SLC35F4: variants seen among roughly 807,000 people sequenced by gnomAD.
SLC35F4 encodes the protein chromosome 14 open reading frame 36.
A neutral mutation model predicts 44.2 loss-of-function variants in SLC35F4; 24 were observed. The observed-to-expected ratio is 0.54, with a 90% CI of 0.39 to 0.76. SLC35F4 has a LOEUF of 0.76. SLC35F4 is among the 30% of genes least tolerant of loss of function. SLC35F4 has a pLI of 0.00. For missense variants in SLC35F4, 562 were observed against 586.1 expected, an observed-to-expected ratio of 0.96 and a Z score of 0.42; for synonymous variants, 238 against 223.6, an observed-to-expected ratio of 1.06 and a Z score of -0.57.
At chr14:57,796,318 A>G (rs1247021267) in intron 1 of SLC35F4, among the ~76,000 whole-genome samples, 2 of 151,972 alleles carry the variant, frequency 1.3e-5, no homozygotes, top group Non-Finnish European at 2.9e-5. Context: ...ACTTTCATCT[A>G]CCCCTATATT....
At chr14:57,813,975 A>G (rs1255339483) in intron 1 of SLC35F4, among the ~76,000 whole-genome samples, 1 of 152,180 alleles carries the variant, frequency 6.6e-6, no homozygotes, top group Non-Finnish European at 1.5e-5. Flanking sequence ...AGCGGTGGGA[A>G]TTAGAGCCAT....
At chr14:57,597,849 A>G (rs1034239157) in intron 1 of SLC35F4, among the ~76,000 whole-genome samples, 2 of 152,078 alleles carry the variant, frequency 1.3e-5, no homozygotes, top group Admixed American at 6.5e-5. Flanking sequence ...CCATTCTTTC[A>G]CCCTCACCTG....
intron 1 of SLC35F4, among the ~76,000 whole-genome samples, chr14:57,785,948 T>C (rs955180260): frequency 1.3e-5 from 2 of 152,072 alleles, no homozygotes; most frequent in African/African-American, 4.8e-5. Flanking sequence ...GCAAATCCAG[T>C]GTGCAGACTC....
At chr14:57,808,316 C>T (rs964154771) in intron 1 of SLC35F4, among the ~76,000 whole-genome samples, 7 of 151,890 alleles carry the variant, frequency 4.6e-5, no homozygotes, top group African/African-American at 1.5e-4. Context: ...TCCACCTGTG[C>T]TGGCTCCATG....
intron 1 of SLC35F4, among the ~76,000 whole-genome samples, chr14:57,760,703 T>C (rs2077103479): frequency 6.6e-6 from 1 of 152,204 alleles, no homozygotes; most frequent in South Asian, 2.1e-4. Flanking sequence ...TTATTTCCTA[T>C]TATTGAAATA....
chr14:57,875,477 C>T (rs1018842997), intron 1 of SLC35F4, among the ~76,000 whole-genome samples: 1 of 152,204 alleles, frequency 6.6e-6, no homozygotes, highest in Admixed American at 6.5e-5. Context: ...CATGGTTCTA[C>T]TAATCTGGCC....
chr14:57,758,359 T>G (rs1377902983), intron 1 of SLC35F4, among the ~76,000 whole-genome samples: 3 of 152,058 alleles, frequency 2.0e-5, no homozygotes, highest in African/African-American at 7.2e-5. Flanking sequence ...ATTTTTTTCT[T>G]AGTCTTTTTT....
intron 1 of SLC35F4, among the ~76,000 whole-genome samples, chr14:57,929,208 C>A (rs187607120): frequency 6.6e-6 from 1 of 152,116 alleles, no homozygotes; most frequent in African/African-American, 2.4e-5. Flanking sequence ...GCTGGCCAAA[C>A]AAATTGTTCT....
intron 1 of SLC35F4, among the ~76,000 whole-genome samples, chr14:57,780,241 G>A (rs190649695): frequency 8.5e-4 from 130 of 152,192 alleles, no homozygotes; most frequent in Non-Finnish European, 1.2e-4. Flanking sequence ...CAAAGTTTCA[G>A]GATACAAAAT....
At chr14:57,823,506 G>A (rs931656451) in intron 1 of SLC35F4, among the ~76,000 whole-genome samples, 4 of 152,138 alleles carry the variant, frequency 2.6e-5, no homozygotes, top group Admixed American at 1.3e-4. Context: ...TTTGAATCAC[G>A]CAAAGCCCCT....
intron 1 of SLC35F4, among the ~76,000 whole-genome samples, chr14:57,754,161 G>A (rs2076946082): frequency 7.2e-6 from 1 of 139,124 alleles, no homozygotes; most frequent in Non-Finnish European, 1.5e-5. Flanking sequence ...GGAGTGCAGT[G>A]TGCGTGATCT....
intron 1 of SLC35F4, among the ~76,000 whole-genome samples, chr14:57,689,579 C>A (rs1423191190): frequency 6.6e-6 from 1 of 152,050 alleles, no homozygotes; most frequent in Non-Finnish European, 1.5e-5. Context: ...TTGAATATAT[C>A]ATTCCTTTGC....
intron 1 of SLC35F4, among the ~76,000 whole-genome samples, chr14:57,723,476 C>G (rs1351372742): frequency 6.6e-6 from 1 of 152,214 alleles, no homozygotes; most frequent in Admixed American, 6.5e-5. Context: ...TTGGCCTGTG[C>G]AGAAGACAGA....
chr14:57,732,541 A>C lies in SLC35F4; in HGVS notation c.103+133182T>G, dbSNP rs2076367244. On this transcript the variant is annotated intron_variant, in intron 1 of 7. Transcript: ENST00000556826. ...TTATCATCATAAGATTTATAAATCA[A>C]TATGTTGAGCCAACAACTCTTTGCA... Among the ~76,000 whole-genome samples, 3 of 152,184 alleles carry C rather than the reference A, an allele frequency of 2.0e-5. No homozygotes were observed. The South Asian group carries it at 6.2e-4, about 32-fold the overall frequency.
intron 1 of SLC35F4, among the ~76,000 whole-genome samples, chr14:57,912,921 C>T (rs1889245494): frequency 6.6e-6 from 1 of 152,022 alleles, no homozygotes. Context: ...CTATCGGTTT[C>T]TTTCCTCACA....
chr14:57,742,594 A>G (rs2076641114), intron 1 of SLC35F4, among the ~76,000 whole-genome samples: 1 of 152,212 alleles, frequency 6.6e-6, no homozygotes, highest in South Asian at 2.1e-4. Context: ...AGACGTACAA[A>G]GAGACTAAGA....
At chr14:57,641,243 T>C (rs1249126820) in intron 1 of SLC35F4, among the ~76,000 whole-genome samples, 1 of 152,020 alleles carries the variant, frequency 6.6e-6, no homozygotes, top group Non-Finnish European at 1.5e-5. Flanking sequence ...AACTTTAAAA[T>C]AGTGTATTTT....
chr14:57,586,283 A>C (rs565007842), intron 3 of SLC35F4, among the ~76,000 whole-genome samples: 81 of 152,330 alleles, frequency 5.3e-4, no homozygotes, highest in Admixed American at 9.1e-4. Flanking sequence ...ATATGCAGAA[A>C]ACTGAAACTG....
intron 1 of SLC35F4, among the ~76,000 whole-genome samples, chr14:57,977,718 G>A (rs2141099013): frequency 6.6e-6 from 1 of 152,254 alleles, no homozygotes. Context: ...CGCACCAATG[G>A]AAGAGGAAGA....
Sources: allele counts gnomAD v4.1 joint callset (sites outside exome capture counted in the v4.1 genomes callset), GRCh38; gene constraint gnomAD v4.1.1; transcripts MANE v1.5; gene names NCBI Gene and HGNC (gene_info 2026-07-23, HGNC 2026-07-21).